Variants in DCPS observed in about 807,000 individuals in gnomAD.
The protein encoded by DCPS is decapping enzyme, scavenger.
DCPS carries 27 observed loss-of-function variants against 34.7 expected under a neutral mutation model. The ratio of observed to expected loss-of-function variants is 0.78; its 90% confidence interval spans 0.57 to 1.07. DCPS has a LOEUF of 1.07. Ranked by LOEUF, DCPS falls within the 50% of genes least tolerant of loss-of-function variation. DCPS has a pLI of 0.00. For synonymous variants in DCPS, 185 were observed against 185.7 expected (o/e 1.00, Z 0.03); for missense variants, 464 against 436.9 (o/e 1.06, Z -0.55).
chr11:126,326,645 C>T (rs1951741253), intron 2 of DCPS, among the ~76,000 whole-genome samples: 1 of 152,122 alleles, frequency 6.6e-6, no homozygotes, highest in Non-Finnish European at 1.5e-5. Flanking sequence ...ACTTCACGGC[C>T]GGGCGCAGTG....
At chr11:126,311,695 G>C (rs959598978) in intron 2 of DCPS, among the ~76,000 whole-genome samples, 1 of 152,178 alleles carries the variant, frequency 6.6e-6, no homozygotes, top group African/African-American at 2.4e-5. Flanking sequence ...AGGAGTGATG[G>C]GGTGGGATGG....
In DCPS at chr11:126,308,656, TGCATTGCA is replaced by T. The variant is rs1433760715; in HGVS notation, c.376+1914_376+1921del. On this transcript the variant is annotated intron_variant, in intron 2 of 5. Transcript: ENST00000263579. ...CCAAACACAACTTGGGGTGGCCCCC[TGCATTGCA>T]GGCTCTAGGGGCTATTATTTTACTG... is the stretch of plus-strand genomic sequence containing the variant. Among the ~76,000 whole-genome samples the T allele has an allele frequency of 2.0e-5, 3 of 152,172 alleles. No individual in the cohort carries two copies. The South Asian group carries it at 6.2e-4, about 31-fold the overall frequency.
intron 2 of DCPS, among the ~76,000 whole-genome samples, chr11:126,321,129 C>G (rs1951703209): frequency 6.6e-6 from 1 of 152,026 alleles, no homozygotes; most frequent in African/African-American, 2.4e-5. Context: ...GTGGTGCATG[C>G]CTGTCATCCC....
Position 126,336,578 on chromosome 11 carries a change from C to T in DCPS, c.523-1708C>T, listed in dbSNP as rs1951833912. The T allele has an allele frequency of 6.6e-6, 1 of 152,270 alleles. No individual in the cohort carries two copies. Among genetic ancestry groups the T allele is most frequent in the African/African-American group, 2.4e-5 (1 of 41,458 alleles). The allele number at this position is 152,270 out of a possible 1,614,324, so 9.4% of individuals were successfully genotyped here. ...CTAGTCACAGGCAGATGCCCCTTTT[C>T]TGTGAATCAGGGACTGGCCGTGGGG... On this transcript the variant is annotated intron_variant, in intron 3 of 5. Transcript: ENST00000263579. The surrounding 1 kb of genome is among the most constrained non-coding windows in gnomAD (Gnocchi z 6.3).
At chr11:126,304,311 C>A in intron 1 of DCPS, 30 bp downstream of exon 1, 1 of 1,610,798 alleles carries the variant, frequency 6.2e-7, no homozygotes, top group Non-Finnish European at 8.5e-7. Flanking sequence ...AGGTGGGATG[C>A]GGGAAGCAGT....
chr11:126,335,910 T>C lies in DCPS; in HGVS notation c.523-2376T>C, dbSNP rs1239430172. On this transcript the variant is annotated intron_variant, in intron 3 of 5. Transcript: ENST00000263579. The surrounding 1 kb of genome is among the most constrained non-coding windows in gnomAD (Gnocchi z 4.8). ...ATTGCATTCCAGCCAAGTGTGAAACTCCGTCTCAGAAAAAACAAAAAACAA... is the reference window on the plus strand; with the variant it reads ...ATTGCATTCCAGCCAAGTGTGAAACCCCGTCTCAGAAAAAACAAAAAACAA... Among the ~76,000 whole-genome samples the C allele has an allele frequency of 6.6e-6, 1 of 151,158 alleles. No individual in the cohort carries two copies. The highest frequency in any genetic ancestry group is 2.4e-5 in the African/African-American group (1 of 41,044).
At chr11:126,340,866 C>A (rs968419620) in intron 4 of DCPS, 1 of 152,206 alleles carries the variant, frequency 6.6e-6, no homozygotes, top group Admixed American at 6.5e-5. Context: ...CTTCTGTTCT[C>A]TTAAAGGATC....
At chr11:126,339,004 C>T (rs1951856424) in intron 4 of DCPS, among the ~76,000 whole-genome samples, 1 of 152,230 alleles carries the variant, frequency 6.6e-6, no homozygotes. Context: ...TCCCTATGGT[C>T]TTCTGTCTCT....
intron 4 of DCPS, among the ~76,000 whole-genome samples, chr11:126,339,514 T>C (rs1951861042): frequency 6.6e-6 from 1 of 152,220 alleles, no homozygotes; most frequent in Non-Finnish European, 1.5e-5. Flanking sequence ...ATAATTCGTC[T>C]CTTGACAAGA....
At position 126,312,632 on chromosome 11, in the gene DCPS, C is replaced by T. The variant is rs1331979655; in HGVS notation, c.376+5888C>T. ...CTGGGATTACAGGAGTGAGCCACCA[C>T]GCCCAGCTGGTTTCCTTTTTTAAAA... On this transcript the variant is annotated intron_variant, in intron 2 of 5. Coordinates refer to ENST00000263579, the MANE Select transcript of DCPS (RefSeq NM_014026.6). This position sits in a 1 kb window ranked among gnomAD's most constrained non-coding sequence, Gnocchi z 5.1. 2.0e-5 allele frequency among the ~76,000 whole-genome samples: 3 copies of T among 152,200 alleles called. No homozygotes were observed. The highest frequency in any genetic ancestry group is 4.4e-5 in the Non-Finnish European group (3 of 68,024).
chr11:126,332,070 G>A lies in DCPS; in HGVS notation c.522+520G>A, dbSNP rs1388328371. ...CATGAATGGGTAAAAGGCTGATGTT[G>A]AGTGAGTCCCACCCTGTCCAGACTC... On this transcript the variant is annotated intron_variant, in intron 3 of 5. Coordinates refer to ENST00000263579, the MANE Select transcript of DCPS (RefSeq NM_014026.6). This position sits in a 1 kb window ranked among gnomAD's most constrained non-coding sequence, Gnocchi z 5.4. 1.3e-5 allele frequency among the ~76,000 whole-genome samples: 2 copies of A among 152,230 alleles called. No homozygotes were observed. The highest frequency in any genetic ancestry group is 2.9e-5 in the Non-Finnish European group (2 of 68,028).
chr11:126,337,812 C>G lies in DCPS; in HGVS notation c.523-474C>G, dbSNP rs1174870625. 1 of 159,476 alleles carries G rather than the reference C, an allele frequency of 6.3e-6. No individual in the cohort carries two copies. The highest frequency in any genetic ancestry group is 2.4e-5 in the African/African-American group (1 of 41,600). The allele number at this position is 159,476 out of a possible 1,614,324, so 9.9% of individuals were successfully genotyped here. A position where few individuals can be genotyped will look rare whatever the true frequency, so the allele number is the denominator to read the frequency against. On this transcript the variant is annotated intron_variant, in intron 3 of 5. Transcript: ENST00000263579. This position sits in a 1 kb window ranked among gnomAD's most constrained non-coding sequence, Gnocchi z 5.3. ...AGGCTCTCACTGCTCTGGTGGGTAG[C>G]TGGCCCCTCCACAGAAGGAAACCGT...
intron 2 of DCPS, among the ~76,000 whole-genome samples, chr11:126,326,928 A>C (rs561707680): frequency 4.1e-4 from 63 of 152,116 alleles, no homozygotes; most frequent in Non-Finnish European, 6.9e-4. Flanking sequence ...GTCTCAAAAA[A>C]AAAAAACAAA....
rs1197968208 is a variant in DCPS, at chr11:126,346,485, T to G, written c.*872T>G. ...GAAGGGACCTCAAAGCGTCAGAGGCTGATGAGCAGTTAGGCAGCCAACAGG... is the reference window on the plus strand; with the variant it reads ...GAAGGGACCTCAAAGCGTCAGAGGCGGATGAGCAGTTAGGCAGCCAACAGG... On this transcript the variant is annotated 3_prime_UTR_variant, in exon 6 of 6. Transcript: ENST00000263579. This position sits in a 1 kb window ranked among gnomAD's most constrained non-coding sequence, Gnocchi z 4.1. Among the ~76,000 whole-genome samples the G allele has an allele frequency of 3.9e-5, 6 of 152,178 alleles. No homozygotes were observed. The highest frequency in any genetic ancestry group is 1.5e-5 in the Non-Finnish European group (1 of 68,034).
chr11:126,345,295 C>G lies in DCPS; in HGVS notation c.748-52C>G, dbSNP rs371492107. 77 of 1,601,722 alleles carry G rather than the reference C, an allele frequency of 4.8e-5. 1 individual carries two copies. The South Asian group carries it at 6.6e-4, about 14-fold the overall frequency. On this transcript the variant is annotated intron_variant, in intron 5 of 5. Transcript: ENST00000263579. The surrounding 1 kb of genome is among the most constrained non-coding windows in gnomAD (Gnocchi z 7.4). ...GAGGGTCTAGGTGGGGACATGGCGC[C>G]GGGCCTCAGGCAGCACGGTGACTCC...
rs1951900451 is a variant in DCPS at position 126,344,364 on chromosome 11, G to C, written c.747+947G>C. Among the ~76,000 whole-genome samples the C allele has an allele frequency of 6.6e-6, 1 of 152,138 alleles. No individual in the cohort carries two copies. Reference sequence around the variant, plus strand: ...TGTTCAGATCCTGAAGCAGTCTCTGGATATTACAAATGGCAAAGAATGGTG... The same window carrying C: ...TGTTCAGATCCTGAAGCAGTCTCTGCATATTACAAATGGCAAAGAATGGTG... On this transcript the variant is annotated intron_variant, in intron 5 of 5. Coordinates refer to ENST00000263579, the MANE Select transcript of DCPS (RefSeq NM_014026.6). This position sits in a 1 kb window ranked among gnomAD's most constrained non-coding sequence, Gnocchi z 8.1.
chr11:126,334,455 T>C lies in DCPS; in HGVS notation c.522+2905T>C, dbSNP rs1951815898. On this transcript the variant is annotated intron_variant, in intron 3 of 5. Coordinates refer to ENST00000263579, the MANE Select transcript of DCPS (RefSeq NM_014026.6). The surrounding 1 kb of genome is among the most constrained non-coding windows in gnomAD (Gnocchi z 5.5). Reference sequence around the variant, plus strand: ...TCCTGCCAGGTTCAAGTGATTCTCCTGTCTCACCCTCCCAAGTAGCTGGGA... The same window carrying C: ...TCCTGCCAGGTTCAAGTGATTCTCCCGTCTCACCCTCCCAAGTAGCTGGGA... Among the ~76,000 whole-genome samples, 3 of 152,130 alleles carry C rather than the reference T, an allele frequency of 2.0e-5. No homozygotes were observed. The highest frequency in any genetic ancestry group is 7.2e-5 in the African/African-American group (3 of 41,422).
rs1028106150 is a variant in DCPS at position 126,328,244 on chromosome 11, G to T, written c.377-3161G>T. On this transcript the variant is annotated intron_variant, in intron 2 of 5. Transcript: ENST00000263579. This position sits in a 1 kb window ranked among gnomAD's most constrained non-coding sequence, Gnocchi z 6.6. ...GGTGACCAACAGCCTCGTAGTCCACGGCAGGAAGCGCGGGAGCTGTGGAGC... is the reference window on the plus strand; with the variant it reads ...GGTGACCAACAGCCTCGTAGTCCACTGCAGGAAGCGCGGGAGCTGTGGAGC... Among the ~76,000 whole-genome samples, 1 of 152,178 alleles carries T rather than the reference G, an allele frequency of 6.6e-6. No homozygotes were observed. The highest frequency in any genetic ancestry group is 2.4e-5 in the African/African-American group (1 of 41,450).
chr11:126,343,881 A>G (rs1005433893), intron 5 of DCPS, among the ~76,000 whole-genome samples: 1 of 152,110 alleles, frequency 6.6e-6, no homozygotes. Flanking sequence ...TCTCTCTGGG[A>G]TATTTGTTGA....
Sources: allele counts gnomAD v4.1 joint callset (sites outside exome capture counted in the v4.1 genomes callset), GRCh38; gene constraint gnomAD v4.1.1; non-coding constraint Gnocchi (gnomAD v3.1); transcripts MANE v1.5; gene names NCBI Gene and HGNC (gene_info 2026-07-23, HGNC 2026-07-21).